ARMH3: variants seen among roughly 807,000 people sequenced by gnomAD.
ARMH3 encodes the protein armadillo-like helical domain-containing protein 3.
A neutral mutation model predicts 99.1 loss-of-function variants in ARMH3; 60 were observed. The ratio of observed to expected loss-of-function variants is 0.61; its 90% CI spans 0.49 to 0.75. The LOEUF is 0.75. Among genes scored for constraint, ARMH3 ranks in the 30% least tolerant of loss-of-function variants. The pLI, the probability that ARMH3 is intolerant of heterozygous loss-of-function variation, is 0.00. For missense variants in ARMH3, 679 were observed against 843.1 expected (o/e 0.81, Z 2.41); for synonymous variants, 285 against 292.8 (o/e 0.97, Z 0.27).
At chr10:101,940,334 C>CT (rs1341423731) in intron 22 of ARMH3, among the ~76,000 whole-genome samples, 3 of 152,146 alleles carry the variant, frequency 2.0e-5, no homozygotes, top group Non-Finnish European at 4.4e-5. Context: ...GTGGAACTGG[C>CT]TGGCTTAGTT....
chr10:101,889,367 G>A, intron 24 of ARMH3, 45 bp downstream of exon 24: 1 of 1,538,918 alleles, frequency 6.5e-7, no homozygotes, highest in Non-Finnish European at 9.0e-7. Context: ...GCAACTGCTT[G>A]ATCCTAGCCA....
In ARMH3 at chr10:102,050,623, C is replaced by T. The variant is rs190380429; in HGVS notation, c.-12+5462G>A. On this transcript the variant is annotated intron_variant, in intron 1 of 25. Transcript: ENST00000370033. ...CGGTAATCCCAACACTCTTGGAGGC[C>T]GAGGCAGGTGGATCACTTGAGGTCG... 1.7e-3 allele frequency among the ~76,000 whole-genome samples: 260 copies of T among 152,188 alleles called. 1 individual carries two copies. The highest frequency in any genetic ancestry group is 3.3e-3 in the Non-Finnish European group (224 of 68,004).
At chr10:101,962,007 G>A (rs1379607292) in intron 20 of ARMH3, among the ~76,000 whole-genome samples, 2 of 152,110 alleles carry the variant, frequency 1.3e-5, no homozygotes. Context: ...ATGAAGTGGG[G>A]CAAAAGGGCT....
At chr10:102,043,935 G>A (rs1399466214) in intron 1 of ARMH3, among the ~76,000 whole-genome samples, 1 of 151,750 alleles carries the variant, frequency 6.6e-6, no homozygotes, top group South Asian at 2.1e-4. Context: ...TTTGTTTTTT[G>A]AGACAGAGTC....
At chr10:102,039,064 T>C (rs2067347363) in intron 2 of ARMH3, among the ~76,000 whole-genome samples, 1 of 152,052 alleles carries the variant, frequency 6.6e-6, no homozygotes, top group African/African-American at 2.4e-5. Context: ...GTAAGTATTA[T>C]TCTACTTTAT....
At chr10:102,032,882 C>T (rs780244690) in intron 4 of ARMH3, 144 bp downstream of exon 4, 30 of 847,360 alleles carry the variant, frequency 3.5e-5, no homozygotes, top group East Asian at 3.1e-4. Flanking sequence ...GCTAAACAAA[C>T]GTGGCATAAA....
At chr10:101,913,229 C>A (rs1000867003) in intron 23 of ARMH3, 1 of 152,518 alleles carries the variant, frequency 6.6e-6, no homozygotes, top group Non-Finnish European at 1.5e-5. Context: ...GATCCTCATG[C>A]CTCAGCCTCC....
At chr10:102,039,528 C>T (rs1455726070) in intron 2 of ARMH3, among the ~76,000 whole-genome samples, 1 of 152,170 alleles carries the variant, frequency 6.6e-6, no homozygotes, top group Non-Finnish European at 1.5e-5. Context: ...ACTAATAATT[C>T]CTCAGTTATC....
At chr10:101,928,547 T>C (rs1046822741) in intron 23 of ARMH3, among the ~76,000 whole-genome samples, 4 of 152,282 alleles carry the variant, frequency 2.6e-5, no homozygotes, top group Middle Eastern at 3.4e-3. Flanking sequence ...CACATGCTTA[T>C]GGTCCCAGGT....
At chr10:102,041,075 C>CATATATATATATAATAT (rs2067399343) in intron 1 of ARMH3, among the ~76,000 whole-genome samples, 16 of 131,970 alleles carry the variant, frequency 1.2e-4, no homozygotes, top group Middle Eastern at 4.4e-3. Flanking sequence ...ATTGTGTGTA[C>CATATATATATATAATAT]ATATATATAT....
intron 15 of ARMH3, among the ~76,000 whole-genome samples, chr10:101,999,588 C>G (rs995448307): frequency 2.6e-5 from 4 of 152,114 alleles, no homozygotes; most frequent in African/African-American, 9.6e-5. Flanking sequence ...AGCTTTGTGT[C>G]CCAAAAAAGC....
At chr10:101,964,174 C>T (rs1374511753) in intron 20 of ARMH3, among the ~76,000 whole-genome samples, 1 of 152,156 alleles carries the variant, frequency 6.6e-6, no homozygotes, top group Admixed American at 6.5e-5. Context: ...CTGCGCCCGG[C>T]AATTTTTGCA....
intron 20 of ARMH3, among the ~76,000 whole-genome samples, chr10:101,961,492 A>G (rs1845300198): frequency 6.6e-6 from 1 of 152,148 alleles, no homozygotes; most frequent in Admixed American, 6.5e-5. Context: ...GGTATAAACA[A>G]TTAATAACCA....
At chr10:101,930,837 A>G (rs1180351839) in intron 23 of ARMH3, among the ~76,000 whole-genome samples, 1 of 152,254 alleles carries the variant, frequency 6.6e-6, no homozygotes, top group East Asian at 1.9e-4. Context: ...TTTAAAAATA[A>G]TAATAATAAA....
chr10:102,044,519 C>T lies in ARMH3; in HGVS notation c.-11-4394G>A, dbSNP rs140083135. Reference sequence around the variant, plus strand: ...CCAAGTAGCTAGAACTATAGGTGCGCGCCACCACACCCAGCTAATTTTTTG... The same window carrying T: ...CCAAGTAGCTAGAACTATAGGTGCGTGCCACCACACCCAGCTAATTTTTTG... On this transcript the variant is annotated intron_variant, in intron 1 of 25. Coordinates refer to ENST00000370033, the MANE Select transcript of ARMH3 (RefSeq NM_024541.3). 1.6e-3 allele frequency among the ~76,000 whole-genome samples: 234 copies of T among 150,120 alleles called. 1 individual carries two copies. The highest frequency in any genetic ancestry group is 5.1e-3 in the African/African-American group (209 of 40,790).
At chr10:101,906,782 G>A (rs754139335) in intron 23 of ARMH3, among the ~76,000 whole-genome samples, 4 of 152,160 alleles carry the variant, frequency 2.6e-5, no homozygotes, top group African/African-American at 4.8e-5. Flanking sequence ...AGGGAATGAC[G>A]TTCAAGAGGC....
At chr10:101,887,117 A>C (rs2067567368) in intron 24 of ARMH3, among the ~76,000 whole-genome samples, 1 of 152,172 alleles carries the variant, frequency 6.6e-6, no homozygotes, top group African/African-American at 2.4e-5. Flanking sequence ...AAATACCTCT[A>C]ATCTGATAGT....
chr10:101,916,885 T>A (rs1281300879), intron 23 of ARMH3, among the ~76,000 whole-genome samples: 1 of 152,198 alleles, frequency 6.6e-6, no homozygotes, highest in South Asian at 2.1e-4. Context: ...TCTCTTGCCC[T>A]TAGACATCAG....
chr10:101,967,054 T>A (rs1845573384), intron 20 of ARMH3, among the ~76,000 whole-genome samples: 1 of 152,228 alleles, frequency 6.6e-6, no homozygotes, highest in South Asian at 2.1e-4. Flanking sequence ...AGCTTTTACA[T>A]GCTATGAAGA....
Sources: gnomAD v4.1 joint callset for allele counts (sites outside exome capture counted in the v4.1 genomes callset) on GRCh38, gnomAD v4.1.1 for gene constraint, MANE v1.5 for transcripts, NCBI Gene and HGNC (gene_info 2026-07-23, HGNC 2026-07-21) for gene names.